SEMA3A: variants seen among roughly 807,000 people sequenced by gnomAD.
The protein encoded by SEMA3A is semaphorin 3A, also known as semaphorin-3A.
SEMA3A carries 29 observed loss-of-function variants against 97.9 expected under a neutral mutation model. That is an observed-to-expected ratio of 0.30 (90% confidence interval 0.22 to 0.40). The LOEUF (loss-of-function observed/expected upper bound fraction) is 0.40, where lower values mean the gene tolerates loss of function less well. SEMA3A is among the 10% of genes least tolerant of loss of function. The pLI, the probability that SEMA3A is intolerant of heterozygous loss-of-function variation, is 1.00. For synonymous variants in SEMA3A, 321 were observed against 323.7 expected (o/e 0.99, Z 0.09); for missense variants, 763 against 951.3 (o/e 0.80, Z 2.60).
intron 1 of SEMA3A, among the ~76,000 whole-genome samples, chr7:84,459,788 G>A (rs957539228): frequency 1.3e-5 from 2 of 152,148 alleles, no homozygotes; most frequent in Non-Finnish European, 2.9e-5. Flanking sequence ...AGAACTCTGG[G>A]AGGCCAAAGC....
intron 15 of SEMA3A, among the ~76,000 whole-genome samples, chr7:83,967,959 T>C (rs1027436651): frequency 2.0e-5 from 3 of 152,178 alleles, no homozygotes; most frequent in African/African-American, 7.2e-5. Context: ...CCTCTAGCTA[T>C]TTTGAAATAT....
chr7:84,169,477 A>C (rs1797316404), intron 1 of SEMA3A, among the ~76,000 whole-genome samples: 1 of 149,940 alleles, frequency 6.7e-6, no homozygotes, highest in Non-Finnish European at 1.5e-5. Context: ...TATAAGTAGT[A>C]GTGAAGGATT....
intron 1 of SEMA3A, among the ~76,000 whole-genome samples, chr7:84,456,388 A>G (rs1805685090): frequency 6.6e-6 from 1 of 151,808 alleles, no homozygotes; most frequent in East Asian, 1.9e-4. Flanking sequence ...AAATCAATAA[A>G]GGAGTCATTC....
At chr7:84,345,402 A>G (rs1802273935) in intron 2 of SEMA3A, among the ~76,000 whole-genome samples, 1 of 152,062 alleles carries the variant, frequency 6.6e-6, no homozygotes, top group African/African-American at 2.4e-5. Flanking sequence ...AAAACAATAA[A>G]ATTTGCCACA....
intron 1 of SEMA3A, among the ~76,000 whole-genome samples, chr7:84,178,716 T>C (rs1316425986): frequency 6.6e-6 from 1 of 152,134 alleles, no homozygotes; most frequent in African/African-American, 2.4e-5. Flanking sequence ...GGAAACTAAG[T>C]GAAAGAGGCA....
At chr7:84,245,024 T>A (rs746463650) in intron 3 of SEMA3A, among the ~76,000 whole-genome samples, 1 of 152,210 alleles carries the variant, frequency 6.6e-6, no homozygotes, top group Non-Finnish European at 1.5e-5. Flanking sequence ...TTACCATTTT[T>A]TTCCTTCATT....
At chr7:84,060,653 C>T in intron 4 of SEMA3A, 95 bp from the exon 5 acceptor site, 1 of 706,582 alleles carries the variant, frequency 1.4e-6, no homozygotes, top group Non-Finnish European at 2.2e-6. Flanking sequence ...GTCAAGTATT[C>T]ATGTCCAACA....
upstream of SEMA3A, among the ~76,000 whole-genome samples, chr7:84,197,730 C>CTT (rs139403623): frequency 5.0e-3 from 346 of 69,358 alleles, 42 homozygotes; most frequent in East Asian, 0.021. Context: ...AAAGATCACT[C>CTT]TTTTTTTTTT....
intron 3 of SEMA3A, among the ~76,000 whole-genome samples, chr7:84,222,743 A>C (rs1399707596): frequency 6.6e-6 from 1 of 151,900 alleles, no homozygotes; most frequent in East Asian, 1.9e-4. Context: ...TGTCAGCCTT[A>C]TTCATTTACC....
At chr7:84,441,807 A>G (rs568923967) in intron 1 of SEMA3A, among the ~76,000 whole-genome samples, 1 of 152,328 alleles carries the variant, frequency 6.6e-6, no homozygotes, top group East Asian at 1.9e-4. Context: ...CTGGTCCTAC[A>G]CAAGACATCC....
intron 4 of SEMA3A, among the ~76,000 whole-genome samples, chr7:84,103,754 T>C (rs1583972411): frequency 6.9e-6 from 1 of 144,316 alleles, no homozygotes; most frequent in Admixed American, 6.7e-5. Context: ...AAATAAAACA[T>C]AGAACTAGAG....
At chr7:84,274,740 T>C (rs1800250432) in intron 3 of SEMA3A, among the ~76,000 whole-genome samples, 1 of 152,012 alleles carries the variant, frequency 6.6e-6, no homozygotes, top group African/African-American at 2.4e-5. Flanking sequence ...AGATTTATTT[T>C]CCAAACAGGG....
intron 1 of SEMA3A, among the ~76,000 whole-genome samples, chr7:84,433,181 C>T (rs1490929954): frequency 6.6e-6 from 1 of 151,836 alleles, no homozygotes; most frequent in East Asian, 1.9e-4. Flanking sequence ...CACCCATCAA[C>T]CCATCATTTA....
chr7:84,322,248 A>G (rs1403704697), intron 2 of SEMA3A, among the ~76,000 whole-genome samples: 1 of 152,096 alleles, frequency 6.6e-6, no homozygotes. Context: ...ACAGAGCCAA[A>G]CCATATCATA....
intron 15 of SEMA3A, among the ~76,000 whole-genome samples, chr7:83,965,674 T>A (rs1210562470): frequency 2.9e-3 from 154 of 53,170 alleles, no homozygotes; most frequent in East Asian, 0.015. Flanking sequence ...ATATTTTTTT[T>A]TTTTTTTTTT....
intron 4 of SEMA3A, among the ~76,000 whole-genome samples, chr7:84,084,525 G>A (rs1333516173): frequency 3.1e-5 from 4 of 130,730 alleles, no homozygotes; most frequent in Non-Finnish European, 4.7e-5. Flanking sequence ...ACTGTAAATT[G>A]AGAATAAATG....
chr7:83,973,920 T>C (rs1307901613), intron 15 of SEMA3A, among the ~76,000 whole-genome samples: 1 of 149,628 alleles, frequency 6.7e-6, no homozygotes, highest in African/African-American at 2.5e-5. Flanking sequence ...TTTTTTTTCC[T>C]TTCTGGACAT....
In SEMA3A at chr7:84,166,821, G is replaced by A. The variant is rs1224477815; in HGVS notation, c.112+27654C>T. ...ACTTGGAGGGCAGAGGCTGCAGTGAGCCGAGATTGCACCACTGCACTCCTG... is the reference window on the plus strand; with the variant it reads ...ACTTGGAGGGCAGAGGCTGCAGTGAACCGAGATTGCACCACTGCACTCCTG... On this transcript the variant is annotated intron_variant, in intron 1 of 16. Transcript: ENST00000265362. Among the ~76,000 whole-genome samples the A allele has an allele frequency of 2.0e-5, 3 of 148,512 alleles. No homozygotes were observed. The South Asian group carries it at 6.4e-4, about 32-fold the overall frequency.
At chr7:84,104,589 G>C (rs190955200) in intron 4 of SEMA3A, among the ~76,000 whole-genome samples, 2 of 151,990 alleles carry the variant, frequency 1.3e-5, no homozygotes, top group East Asian at 1.9e-4. Context: ...TTTAATTAAG[G>C]GTGTGAAGGA....
Sources: allele counts gnomAD v4.1 joint callset (sites outside exome capture counted in the v4.1 genomes callset), GRCh38; gene constraint gnomAD v4.1.1; transcripts MANE v1.5; gene names NCBI Gene and HGNC (gene_info 2026-07-23, HGNC 2026-07-21).